GABRG3: variants seen among roughly 807,000 people sequenced by gnomAD.
GABRG3 encodes the protein gamma-aminobutyric acid type A receptor subunit gamma3.
A neutral mutation model predicts 48.8 loss-of-function variants in GABRG3; 25 were observed. That is an observed-to-expected ratio of 0.51 (90% CI 0.37 to 0.72). The LOEUF (loss-of-function observed/expected upper bound fraction) is 0.72. Ranked by LOEUF, GABRG3 falls within the 30% of genes least tolerant of loss-of-function variation. The pLI, the probability that GABRG3 is intolerant of heterozygous loss-of-function variation, is 0.00. For synonymous variants in GABRG3, 227 were observed against 217.6 expected (o/e 1.04, Z -0.38); for missense variants, 394 against 577.9 (o/e 0.68, Z 3.26).
chr15:27,363,316 T>TC (rs1895083821), intron 5 of GABRG3: 1 of 152,226 alleles, frequency 6.6e-6, no homozygotes. Flanking sequence ...GGCCAGTCCC[T>TC]GCCACCAGGA....
rs571887944 is a variant in GABRG3 at position 27,114,492 on chromosome 15, C to T, written c.270+87671C>T. Among the ~76,000 whole-genome samples, 12 of 152,228 alleles carry T rather than the reference C, an allele frequency of 7.9e-5. No individual in the cohort carries two copies. In the South Asian group the frequency reaches 2.5e-3, roughly 32 times the overall value. The stretch of plus-strand genomic sequence containing the variant: ...ACTTTATTCTTTATTTGCTTTAATC[C>T]ATAACACATGCATAACAGTCCCAGT... On this transcript the variant is annotated intron_variant, in intron 3 of 9. Coordinates refer to ENST00000615808, the MANE Select transcript of GABRG3 (RefSeq NM_033223.5).
At chr15:27,048,482 G>C (rs2140707498) in intron 3 of GABRG3, among the ~76,000 whole-genome samples, 1 of 152,286 alleles carries the variant, frequency 6.6e-6, no homozygotes, top group East Asian at 1.9e-4. Context: ...GCTGACCTCA[G>C]TCCCTCCATA....
intron 3 of GABRG3, among the ~76,000 whole-genome samples, chr15:27,202,628 A>G (rs902859874): frequency 2.0e-4 from 30 of 152,118 alleles, no homozygotes; most frequent in African/African-American, 7.0e-4. Flanking sequence ...AACTGGTGTC[A>G]TATTATTGCT....
intron 3 of GABRG3, among the ~76,000 whole-genome samples, chr15:27,102,075 G>GC (rs11424166): frequency 0.018 from 2,778 of 152,182 alleles, 95 homozygotes; most frequent in African/African-American, 0.065. Context: ...TGTGAACCAA[G>GC]CCACGCCATC....
chr15:27,443,179 C>T (rs1366676605), intron 5 of GABRG3, among the ~76,000 whole-genome samples: 3 of 152,074 alleles, frequency 2.0e-5, no homozygotes, highest in Non-Finnish European at 4.4e-5. Flanking sequence ...ATTAGGACAC[C>T]GATATACCCA....
chr15:27,178,718 A>G (rs528908682), intron 3 of GABRG3, among the ~76,000 whole-genome samples: 1 of 152,340 alleles, frequency 6.6e-6, no homozygotes, highest in South Asian at 2.1e-4. Flanking sequence ...TCTAATGGTC[A>G]TAGACTGAGT....
chr15:27,361,612 C>G (rs530530184), intron 5 of GABRG3, among the ~76,000 whole-genome samples: 1 of 152,324 alleles, frequency 6.6e-6, no homozygotes, highest in East Asian at 1.9e-4. Context: ...CCTGTTGGCT[C>G]AGAGCCCAGG....
At chr15:27,197,627 G>C in intron 3 of GABRG3, among the ~76,000 whole-genome samples, 1 of 152,046 alleles carries the variant, frequency 6.6e-6, no homozygotes, top group Admixed American at 6.6e-5. Flanking sequence ...TTTGTAAACT[G>C]TCTCAAAAGA....
At chr15:27,044,223 G>C (rs1388820550) in intron 3 of GABRG3, among the ~76,000 whole-genome samples, 2 of 152,180 alleles carry the variant, frequency 1.3e-5, no homozygotes, top group Non-Finnish European at 2.9e-5. Flanking sequence ...TGAATGTCAG[G>C]AGGGGAGATA....
Position 27,109,730 on chromosome 15 carries a change from C to T in GABRG3, c.270+82909C>T, listed in dbSNP as rs535705986. On this transcript the variant is annotated intron_variant, in intron 3 of 9. Coordinates refer to ENST00000615808, the MANE Select transcript of GABRG3 (RefSeq NM_033223.5). ...AAACCTGTCTCTACTAAAAGTACAA[C>T]AATTAGCCGGATGTGGTGGCACGTG... Among the ~76,000 whole-genome samples the T allele has an allele frequency of 2.2e-4, 34 of 152,134 alleles. No homozygotes were observed. The South Asian group carries it at 6.0e-3, about 27-fold the overall frequency.
intron 5 of GABRG3, among the ~76,000 whole-genome samples, chr15:27,379,653 C>T (rs915195888): frequency 7.2e-5 from 11 of 152,170 alleles, no homozygotes; most frequent in Admixed American, 5.2e-4. Context: ...GTCTTTATTT[C>T]TCCTTCATTT....
chr15:27,448,970 C>A (rs1369730064), intron 5 of GABRG3, among the ~76,000 whole-genome samples: 1 of 152,196 alleles, frequency 6.6e-6, no homozygotes, highest in East Asian at 1.9e-4. Context: ...TAGTAAGTTT[C>A]TTTACTATCA....
Position 27,026,758 on chromosome 15 carries a change from A to G in GABRG3, c.207A>G (p.Lys69=), listed in dbSNP as rs35597430. The change falls in exon 3 of 10, where the codon AAA becomes AAG. Residue 69 remains lysine (K), a synonymous_variant. Transcript: ENST00000615808. ...DKKLRPDIGI[K]PTVIDVDIYV... is the part of the protein sequence containing the mutation. ...TACATGTATTTTTCTCCACAGTAAA[A>G]CCGACCGTAATTGACGTTGACATTT... 1.9e-3 allele frequency: 3,076 copies of G among 1,611,118 alleles called. 4 individuals are homozygous for G. Among genetic ancestry groups the G allele is most frequent in the Non-Finnish European group, 2.4e-3 (2,847 of 1,178,908 alleles).
At chr15:27,264,942 C>T (rs1890873057) in intron 3 of GABRG3, among the ~76,000 whole-genome samples, 2 of 151,832 alleles carry the variant, frequency 1.3e-5, no homozygotes, top group Admixed American at 1.3e-4. Context: ...CAAAAACAAC[C>T]AACTTCTTCA....
At chr15:27,178,477 G>A (rs1038616742) in intron 3 of GABRG3, among the ~76,000 whole-genome samples, 3 of 152,198 alleles carry the variant, frequency 2.0e-5, no homozygotes, top group African/African-American at 2.4e-5. Context: ...TAAATGAACT[G>A]TACGGGGCCA....
chr15:27,249,000 G>C (rs2140458465), intron 3 of GABRG3, among the ~76,000 whole-genome samples: 1 of 152,202 alleles, frequency 6.6e-6, no homozygotes, highest in African/African-American at 2.4e-5. Flanking sequence ...TGTCAAGCAA[G>C]GGAGACCCAC....
At chr15:27,140,633 C>G (rs1049483244) in intron 3 of GABRG3, among the ~76,000 whole-genome samples, 9 of 151,974 alleles carry the variant, frequency 5.9e-5, no homozygotes, top group African/African-American at 2.2e-4. Context: ...CTTTAATTTA[C>G]AAATTTCTAT....
intron 6 of GABRG3, among the ~76,000 whole-genome samples, chr15:27,501,244 C>CAA (rs1890630744): frequency 6.6e-6 from 1 of 152,172 alleles, no homozygotes; most frequent in Non-Finnish European, 1.5e-5. Context: ...AGCCACCGTG[C>CAA]CCGGCCAAAG....
chr15:27,500,950 A>ATT (rs1468649460), intron 6 of GABRG3, among the ~76,000 whole-genome samples: 7 of 108,324 alleles, frequency 6.5e-5, no homozygotes, highest in Admixed American at 9.3e-5. Flanking sequence ...GAAGTAACGT[A>ATT]TGTTTTTTTT....
Sources: gnomAD v4.1 joint callset for allele counts (sites outside exome capture counted in the v4.1 genomes callset) on GRCh38, gnomAD v4.1.1 for gene constraint, MANE v1.5 for transcripts, NCBI Gene and HGNC (gene_info 2026-07-23, HGNC 2026-07-21) for gene names.